The following DNAH2 variants were observed in gnomAD, a reference collection of about 807,000 sequenced individuals.
DNAH2 encodes the protein dynein axonemal heavy chain 2.
A neutral mutation model predicts 523.5 loss-of-function variants in DNAH2; 323 were observed. The ratio of observed to expected loss-of-function variants is 0.62; its 90% CI spans 0.56 to 0.68. The LOEUF is 0.68. Among genes scored for constraint, DNAH2 ranks in the 30% least tolerant of loss-of-function variants. The pLI, the probability that DNAH2 is intolerant of heterozygous loss-of-function variation, is 0.00. For synonymous variants in DNAH2, 2,093 were observed against 2,177.4 expected (o/e 0.96, Z 1.08); for missense variants, 4,907 against 5,701.5 (o/e 0.86, Z 4.49).
chr17:7,756,515 A>T (rs1438093643), intron 12 of DNAH2, among the ~76,000 whole-genome samples: 3 of 151,896 alleles, frequency 2.0e-5, no homozygotes, highest in Non-Finnish European at 4.4e-5. Flanking sequence ...AGCTCAAGCG[A>T]TCACCTACCT....
rs1312011070 is a variant in DNAH2, at chr17:7,793,005, A to G, written c.7369A>G (p.Ile2457Val). 3 of 1,613,222 alleles carry G rather than the reference A, an allele frequency of 1.9e-6. No individual in the cohort carries two copies. In the African/African-American group the frequency reaches 4.0e-5, roughly 22 times the overall value. ...AQTTSNNVQS[I>V]IESRVEKRTK... ...GACCACATCCAATAACGTGCAGAGCATCATTGAGAGCAGGGTTGAGAAGCG... is the reference window on the plus strand; with the variant it reads ...GACCACATCCAATAACGTGCAGAGCGTCATTGAGAGCAGGGTTGAGAAGCG... The change falls in exon 48 of 86, where the codon ATC becomes GTC. Residue 2457 changes from isoleucine (I) to valine (V), a missense_variant. By Grantham distance (29) the Ile-to-Val change is conservative. This residue lies in a region of DNAH2 where 2,806 missense variants were observed against 3,190.8 expected (regional missense o/e 0.88). Transcript: ENST00000572933.
chr17:7,758,098 G>A lies in DNAH2; in HGVS notation c.2052-397G>A, dbSNP rs73232329. ...TCTTGTTTGGGTGTCTAGAACTGCAGTGTCCAACATGGTGGCCTCCAGCTG... is the reference window on the plus strand; with the variant it reads ...TCTTGTTTGGGTGTCTAGAACTGCAATGTCCAACATGGTGGCCTCCAGCTG... On this transcript the variant is annotated intron_variant, in intron 13 of 85. Coordinates refer to ENST00000572933, the MANE Select transcript of DNAH2 (RefSeq NM_020877.5). 4.5e-3 allele frequency among the ~76,000 whole-genome samples: 687 copies of A among 152,338 alleles called. 1 individual carries two copies. The highest frequency in any genetic ancestry group is 0.016 in the African/African-American group (664 of 41,574).
rs200727244 is a variant in DNAH2 at position 7,733,330 on chromosome 17, C to T, written c.628+15C>T. ...CTGCCTGACAGGTAAGTGGGAAGACCGGAGTGACTAGTTTCTCCTTAGTGT... is the reference window on the plus strand; with the variant it reads ...CTGCCTGACAGGTAAGTGGGAAGACTGGAGTGACTAGTTTCTCCTTAGTGT... On this transcript the variant is annotated intron_variant, in intron 5 of 85. Transcript: ENST00000572933. 8.0e-5 allele frequency: 129 copies of T among 1,612,692 alleles called. No homozygotes were observed. In the Middle Eastern group the frequency reaches 8.3e-4, roughly 10 times the overall value.
At chr17:7,727,674 T>C (rs554432483) in intron 4 of DNAH2, among the ~76,000 whole-genome samples, 1 of 147,784 alleles carries the variant, frequency 6.8e-6, no homozygotes, top group South Asian at 2.1e-4. Context: ...AAGAATCGCT[T>C]GAACCTGGGA....
In DNAH2 at chr17:7,831,878, A is replaced by G; in HGVS notation, c.12726+103A>G. ...TAGGTGGGCATAAAGCAAACTGCAG[A>G]GAGCCGAAACTTTGAAGTTAGATAG... On this transcript the variant is annotated intron_variant, in intron 82 of 85. Transcript: ENST00000572933. The surrounding 1 kb of genome is among the most constrained non-coding windows in gnomAD (Gnocchi z 4.2). 9.6e-7 allele frequency: 1 copy of G among 1,044,092 alleles called. No individual in the cohort carries two copies. Among genetic ancestry groups the G allele is most frequent in the Non-Finnish European group, 1.4e-6 (1 of 725,114 alleles). 64.7% of individuals were successfully genotyped at this position (1,044,092 alleles called of 1,614,324 possible). A position where few individuals can be genotyped will look rare whatever the true frequency, so the allele number is the denominator to read the frequency against.
In DNAH2 at chr17:7,770,426, C is replaced by A; in HGVS notation, c.4098+18C>A. 6.2e-7 allele frequency: 1 copy of A among 1,611,292 alleles called. No individual in the cohort carries two copies. The highest frequency in any genetic ancestry group is 1.1e-5 in the South Asian group (1 of 90,614). On this transcript the variant is annotated intron_variant, in intron 25 of 85. Coordinates refer to ENST00000572933, the MANE Select transcript of DNAH2 (RefSeq NM_020877.5). ...TAGAAGTGGTACGACAGTCCCCTCC[C>A]ATGCTCCCACACCTCCTGCGCCTCC...
In DNAH2 at chr17:7,767,982, T is replaced by C. The variant is rs762354190; in HGVS notation, c.3758T>C (p.Leu1253Pro). ...NWNEWKTGRFLILQTETMETT... is the reference protein window; with the variant it reads ...NWNEWKTGRFPILQTETMETT... ...AATGAGTGGAAGACTGGCCGGTTCCTGATCCTGCAGACGGAAACCATGGAG... is the reference window on the plus strand; with the variant it reads ...AATGAGTGGAAGACTGGCCGGTTCCCGATCCTGCAGACGGAAACCATGGAG... Residue 1253 changes from leucine (L) to proline (P), a missense_variant, in exon 23 of 86, where the codon CTG (leucine) becomes CCG (proline). Transcript: ENST00000572933. 3.1e-6 allele frequency: 5 copies of C among 1,614,050 alleles called. No individual in the cohort carries two copies. Among genetic ancestry groups the C allele is most frequent in the Non-Finnish European group, 3.4e-6 (4 of 1,180,044 alleles).
intron 56 of DNAH2, 36 bp from the exon 57 acceptor site, chr17:7,801,542 G>A: frequency 3.1e-6 from 5 of 1,612,972 alleles, no homozygotes; most frequent in Non-Finnish European, 4.2e-6. Context: ...CTGTGTCTGT[G>A]CACGGAATTT....
chr17:7,728,840 C>G (rs1191096199), intron 4 of DNAH2, among the ~76,000 whole-genome samples: 2 of 151,990 alleles, frequency 1.3e-5, no homozygotes, highest in African/African-American at 4.8e-5. Flanking sequence ...CAAAAATTAG[C>G]CAGGCATGAT....
At position 7,772,747 on chromosome 17, in the gene DNAH2, T is replaced by C. The variant is rs547476648; in HGVS notation, c.4501+1279T>C. On this transcript the variant is annotated intron_variant, in intron 28 of 85. Transcript: ENST00000572933. ...AATACATTTCAATTACTACTCACAT[T>C]GGTTTTTTGTTTGTTTGTTTGTTTG... 2.0e-3 allele frequency among the ~76,000 whole-genome samples: 265 copies of C among 130,626 alleles called. 1 individual carries two copies. The highest frequency in any genetic ancestry group is 6.9e-3 in the African/African-American group (248 of 36,182). 85.7% of individuals were successfully genotyped at this position (130,626 alleles called of 152,430 possible).
intron 3 of DNAH2, among the ~76,000 whole-genome samples, chr17:7,725,388 C>G (rs2074766185): frequency 7.1e-6 from 1 of 140,966 alleles, no homozygotes; most frequent in Admixed American, 7.2e-5. Context: ...CTGTGCCTGG[C>G]CTTCTTTGTT....
intron 4 of DNAH2, among the ~76,000 whole-genome samples, chr17:7,730,873 G>C (rs372455370): frequency 1.3e-5 from 2 of 152,202 alleles, no homozygotes; most frequent in South Asian, 4.1e-4. Flanking sequence ...CTAGCACTTT[G>C]GGAGGCCAAG....
At chr17:7,813,009 T>C (rs1319975857) in intron 63 of DNAH2, among the ~76,000 whole-genome samples, 1 of 150,890 alleles carries the variant, frequency 6.6e-6, no homozygotes, top group African/African-American at 2.4e-5. Flanking sequence ...ACTACTTGTA[T>C]ATGTATAGAA....
rs1325669695 is a variant in DNAH2 at position 7,718,349 on chromosome 17, T to C, written c.-465T>C. 1 of 152,218 alleles carries C rather than the reference T, an allele frequency of 6.6e-6. No individual in the cohort carries two copies. The highest frequency in any genetic ancestry group is 1.9e-4 in the East Asian group (1 of 5,190). The allele number at this position is 152,218 out of a possible 1,614,324, so 9.4% of individuals were successfully genotyped here. ...GCTGGCCTAACAGAACGTTTTTCCT[T>C]GGAGCAAAGTACAAATCCTTCAAGT... is the stretch of plus-strand genomic sequence containing the variant. On this transcript the variant is annotated 5_prime_UTR_variant, in exon 1 of 86. Transcript: ENST00000572933.
In DNAH2 at chr17:7,798,459, A is replaced by G. The variant is rs2077129259; in HGVS notation, c.8399-99A>G. The G allele has an allele frequency of 3.2e-6, 5 of 1,552,118 alleles. No individual in the cohort carries two copies. The highest frequency in any genetic ancestry group is 1.2e-5 in the South Asian group (1 of 82,128). On this transcript the variant is annotated intron_variant, in intron 54 of 85. Transcript: ENST00000572933. The surrounding 1 kb of genome is among the most constrained non-coding windows in gnomAD (Gnocchi z 5.5). ...TTGGGTGTAGGATGGTGTCGCGTGT[A>G]TGCTGCGGGGCGGGGAGGGTTCCTA... is the stretch of plus-strand genomic sequence containing the variant.
chr17:7,729,555 C>T (rs961632083), intron 4 of DNAH2, among the ~76,000 whole-genome samples: 44 of 152,044 alleles, frequency 2.9e-4, no homozygotes, highest in African/African-American at 9.4e-4. Context: ...CTCAGCCTCC[C>T]GAGTATATGG....
At chr17:7,723,250 G>A (rs1323252148) in intron 2 of DNAH2, among the ~76,000 whole-genome samples, 5 of 139,256 alleles carry the variant, frequency 3.6e-5, no homozygotes, top group South Asian at 2.3e-4. Context: ...GATTACAGGT[G>A]TGAGCCACTG....
In DNAH2 at chr17:7,833,140, G is replaced by T; in HGVS notation, c.13048G>T (p.Glu4350Ter). The T allele has an allele frequency of 6.2e-7, 1 of 1,611,816 alleles. No individual in the cohort carries two copies. The change falls in exon 85 of 86, where the codon GAG (glutamate) becomes TAG (stop). Residue 4350 changes from glutamate to a stop codon, truncating the protein, a stop_gained. Transcript: ENST00000572933. LOFTEE classifies it high-confidence loss of function. The stretch of plus-strand genomic sequence containing the variant: ...GGACCGGAAGAACTCCTGCTTGGTG[G>T]AGGCAGAGCCCATGCAGCTTGTCTG... ...GWDRKNSCLV[E>*]AEPMQLVCLM...
intron 16 of DNAH2, 51 bp downstream of exon 16, chr17:7,759,661 C>G (rs905254791): frequency 3.1e-6 from 5 of 1,601,420 alleles, no homozygotes; most frequent in Non-Finnish European, 4.3e-6. Context: ...TCTTATTTGT[C>G]AGTTTCCCTT....
Sources: gnomAD v4.1 joint callset for allele counts (sites outside exome capture counted in the v4.1 genomes callset) on GRCh38, gnomAD v4.1.1 for gene constraint, gnomAD v4.1.1 regional missense constraint, Gnocchi (gnomAD v3.1) non-coding constraint, MANE v1.5 for transcripts, NCBI Gene and HGNC (gene_info 2026-07-23, HGNC 2026-07-21) for gene names.